The following ITFG1 variants were observed in gnomAD, a reference collection of about 807,000 sequenced individuals.
ITFG1 encodes the protein integrin alpha FG-GAP repeat containing 1.
Under a neutral mutation model 81.8 loss-of-function variants are expected in ITFG1, and 34 were observed. The ratio of observed to expected loss-of-function variants is 0.42; its 90% CI spans 0.32 to 0.55. ITFG1 has a LOEUF of 0.55. ITFG1 is among the 20% of genes least tolerant of loss of function. The probability of loss-of-function intolerance (pLI) is 0.17; values close to 1 mark genes in which losing one functional copy is unlikely to be tolerated. For missense variants in ITFG1, 672 were observed against 755.4 expected (o/e 0.89, Z 1.29); for synonymous variants, 285 against 270.6 (o/e 1.05, Z -0.52).
chr16:47,217,056 T>C (rs997045352), intron 14 of ITFG1, among the ~76,000 whole-genome samples: 8 of 152,210 alleles, frequency 5.3e-5, no homozygotes, highest in African/African-American at 1.4e-4. Context: ...AGAGTAGCTA[T>C]TGTATCTTTA....
At chr16:47,162,908 A>C (rs1464909857) in intron 14 of ITFG1, among the ~76,000 whole-genome samples, 5 of 152,098 alleles carry the variant, frequency 3.3e-5, no homozygotes, top group Admixed American at 2.6e-4. Context: ...TCTCAGGCTC[A>C]AGCTATCCTC....
chr16:47,199,950 C>G (rs1965405005), intron 14 of ITFG1, among the ~76,000 whole-genome samples: 1 of 151,670 alleles, frequency 6.6e-6, no homozygotes, highest in Non-Finnish European at 1.5e-5. Flanking sequence ...GCACTCCTAT[C>G]AGAATCTTAT....
At chr16:47,274,925 A>G (rs1436216490) in intron 10 of ITFG1, among the ~76,000 whole-genome samples, 1 of 152,218 alleles carries the variant, frequency 6.6e-6, no homozygotes, top group Non-Finnish European at 1.5e-5. Flanking sequence ...CACTCTTTAG[A>G]ATTCTATTTC....
chr16:47,360,226 C>T (rs1159327723), intron 8 of ITFG1, among the ~76,000 whole-genome samples: 1 of 152,132 alleles, frequency 6.6e-6, no homozygotes, highest in Non-Finnish European at 1.5e-5. Flanking sequence ...TATTATAATG[C>T]AGCACTTACA....
intron 8 of ITFG1, among the ~76,000 whole-genome samples, chr16:47,324,719 G>C (rs1967504550): frequency 6.6e-6 from 1 of 152,066 alleles, no homozygotes; most frequent in Admixed American, 6.6e-5. Context: ...AACCAACAAA[G>C]ATCAAAAGAG....
chr16:47,223,442 C>G (rs1428168772), intron 13 of ITFG1, among the ~76,000 whole-genome samples: 1 of 152,186 alleles, frequency 6.6e-6, no homozygotes, highest in Non-Finnish European at 1.5e-5. Flanking sequence ...GACATTTATG[C>G]AGCCAAAAAA....
At chr16:47,159,235 T>C (rs1732716722) in intron 16 of ITFG1, among the ~76,000 whole-genome samples, 1 of 152,162 alleles carries the variant, frequency 6.6e-6, no homozygotes, top group African/African-American at 2.4e-5. Flanking sequence ...TTTGATGAGA[T>C]ATTTCAATAT....
chr16:47,250,192 T>C (rs1191742483), intron 12 of ITFG1, among the ~76,000 whole-genome samples: 1 of 152,152 alleles, frequency 6.6e-6, no homozygotes, highest in Admixed American at 6.5e-5. Flanking sequence ...CTATGGAAGA[T>C]TTTTTGGTCT....
Position 47,428,815 on chromosome 16 carries a change from T to C in ITFG1, c.644A>G (p.Asp215Gly). The C allele has an allele frequency of 1.9e-6, 3 of 1,607,178 alleles. No individual in the cohort carries two copies. The highest frequency in any genetic ancestry group is 2.6e-6 in the Non-Finnish European group (3 of 1,175,100). The change falls in exon 6 of 18, where the codon GAT becomes GGT. Residue 215 changes from aspartate to glycine, a missense_variant. Physicochemically the swap from Asp to Gly is moderately conservative, Grantham distance 94 (BLOSUM62 -1). This residue lies in a region of ITFG1 where 560 missense variants were observed against 625.7 expected (regional missense o/e 0.90). Transcript: ENST00000320640. ...HSHAFIDLTE[D>G]FTADLFLTTL... ...TATGTGCAACTCACCTGCTGTAAAA[T>C]CTTCAGTCAGATCAATAAATGCATG...
intron 6 of ITFG1, among the ~76,000 whole-genome samples, chr16:47,392,004 A>G (rs1215703500): frequency 2.0e-5 from 3 of 152,212 alleles, no homozygotes; most frequent in Non-Finnish European, 2.9e-5. Flanking sequence ...CTTTATTTTT[A>G]CATATAAGTA....
intron 5 of ITFG1, among the ~76,000 whole-genome samples, chr16:47,450,800 A>T (rs1969379140): frequency 6.6e-6 from 1 of 152,192 alleles, no homozygotes; most frequent in South Asian, 2.1e-4. Flanking sequence ...TTGTGCTACG[A>T]GACCAGTTCT....
intron 2 of ITFG1, among the ~76,000 whole-genome samples, chr16:47,456,197 C>T (rs549417655): frequency 3.9e-5 from 6 of 152,050 alleles, no homozygotes; most frequent in African/African-American, 1.4e-4. Context: ...AGAGAAAGAC[C>T]CTGTCTTTAT....
At position 47,277,313 on chromosome 16, in the gene ITFG1, T is replaced by G. The variant is rs551055635; in HGVS notation, c.1071-16618A>C. Among the ~76,000 whole-genome samples, 10 of 152,120 alleles carry G rather than the reference T, an allele frequency of 6.6e-5. No homozygotes were observed. In the East Asian group the frequency reaches 7.7e-4, roughly 12 times the overall value. On this transcript the variant is annotated intron_variant, in intron 10 of 17. Transcript: ENST00000320640. Reference sequence around the variant, plus strand: ...ATACAATTGTCCCTAGGTATACACATGAGATTGGTTCCAGGACCAGCCCCC... The same window carrying G: ...ATACAATTGTCCCTAGGTATACACAGGAGATTGGTTCCAGGACCAGCCCCC...
chr16:47,419,475 T>G (rs1968915388), intron 6 of ITFG1, among the ~76,000 whole-genome samples: 1 of 152,158 alleles, frequency 6.6e-6, no homozygotes, highest in Non-Finnish European at 1.5e-5. Context: ...TTTTGCCATG[T>G]TGCCCAGGCT....
chr16:47,317,476 A>C (rs1329047765), intron 8 of ITFG1: 1 of 152,220 alleles, frequency 6.6e-6, no homozygotes, highest in Non-Finnish European at 1.5e-5. Flanking sequence ...GAATTGTTTA[A>C]GCAAATTAGA....
chr16:47,166,667 A>G (rs1964893006), intron 14 of ITFG1, among the ~76,000 whole-genome samples: 1 of 152,150 alleles, frequency 6.6e-6, no homozygotes, highest in South Asian at 2.1e-4. Context: ...ACAAAAATAT[A>G]ATTTTCCTGC....
chr16:47,391,415 C>CT (rs1288322542), intron 6 of ITFG1, among the ~76,000 whole-genome samples: 1 of 152,070 alleles, frequency 6.6e-6, no homozygotes, highest in African/African-American at 2.4e-5. Flanking sequence ...AATAACTTTC[C>CT]TTTTTTGTCT....
intron 5 of ITFG1, among the ~76,000 whole-genome samples, chr16:47,430,165 C>T (rs1003987962): frequency 6.7e-6 from 1 of 149,066 alleles, no homozygotes; most frequent in Non-Finnish European, 1.5e-5. Flanking sequence ...TCAAGCGATT[C>T]TCCTGCCTTA....
intron 8 of ITFG1, among the ~76,000 whole-genome samples, chr16:47,359,542 T>C (rs1040135441): frequency 6.6e-6 from 1 of 152,220 alleles, no homozygotes; most frequent in Non-Finnish European, 1.5e-5. Context: ...TCCTGGTGGT[T>C]TCCCTGGTCC....
Sources: allele counts gnomAD v4.1 joint callset (sites outside exome capture counted in the v4.1 genomes callset), GRCh38; gene constraint gnomAD v4.1.1; regional missense constraint gnomAD v4.1.1; transcripts MANE v1.5; gene names NCBI Gene and HGNC (gene_info 2026-07-23, HGNC 2026-07-21).